The following NCOA7 variants were observed in gnomAD, a reference collection of about 807,000 sequenced individuals.
NCOA7 encodes nuclear receptor coactivator 7, also known as 140 kDa estrogen receptor-associated protein.
In NCOA7, 45 loss-of-function variants were observed where a neutral mutation model predicts 104.3. That is an observed-to-expected ratio of 0.43 (90% CI 0.34 to 0.55). The LOEUF is 0.55. Ranked by LOEUF, NCOA7 falls within the 20% of genes least tolerant of loss-of-function variation. The probability of loss-of-function intolerance (pLI) is 0.02; values close to 1 mark genes in which losing one functional copy is unlikely to be tolerated. For missense variants in NCOA7, 1,041 were observed against 1,119.7 expected (o/e 0.93, Z 1.00); for synonymous variants, 398 against 402.3 (o/e 0.99, Z 0.13).
chr6:125,811,643 A>C (rs1166626343), intron 1 of NCOA7, among the ~76,000 whole-genome samples: 1 of 152,144 alleles, frequency 6.6e-6, no homozygotes, highest in Non-Finnish European at 1.5e-5. Flanking sequence ...AGGGGGTTCA[A>C]ACCACAGTGT....
intron 13 of NCOA7, among the ~76,000 whole-genome samples, chr6:125,924,970 T>C (rs549034869): frequency 6.6e-6 from 1 of 152,270 alleles, no homozygotes; most frequent in East Asian, 1.9e-4. Context: ...GGCTTTCTTC[T>C]TCTACCCACC....
At chr6:125,818,364 T>A (rs942111389) in intron 2 of NCOA7, among the ~76,000 whole-genome samples, 1 of 152,150 alleles carries the variant, frequency 6.6e-6, no homozygotes, top group African/African-American at 2.4e-5. Flanking sequence ...AATGTAAAAT[T>A]GTCTTGCTTA....
intron 4 of NCOA7, among the ~76,000 whole-genome samples, chr6:125,876,158 A>G (rs1783356849): frequency 6.6e-6 from 1 of 152,220 alleles, no homozygotes; most frequent in Non-Finnish European, 1.5e-5. Flanking sequence ...GCCAGACCCT[A>G]TATAAGACAG....
At chr6:125,826,418 T>C (rs1015885430) in intron 2 of NCOA7, among the ~76,000 whole-genome samples, 1 of 152,146 alleles carries the variant, frequency 6.6e-6, no homozygotes, top group Non-Finnish European at 1.5e-5. Context: ...ATCCAATATA[T>C]GTAATCTTTA....
At position 125,889,364 on chromosome 6, in the gene NCOA7, A is replaced by AGGAGTG; in HGVS notation, c.1311_1316dup (p.Glu438_Cys439insTrpGlu). 1 of 1,614,114 alleles carries AGGAGTG rather than the reference A, an allele frequency of 6.2e-7. No individual in the cohort carries two copies. Among genetic ancestry groups the AGGAGTG allele is most frequent in the Non-Finnish European group, 8.5e-7 (1 of 1,179,992 alleles). ...GGAATGCACAAAAAAGACACCTTGA[A>AGGAGTG]GGAGTGCCTTTCTCTTGACCCAGAG... On this transcript the variant is annotated inframe_insertion, in exon 9 of 16. Coordinates refer to ENST00000392477, the MANE Select transcript of NCOA7 (RefSeq NM_181782.5).
intron 7 of NCOA7, among the ~76,000 whole-genome samples, chr6:125,883,776 A>G (rs1001854258): frequency 5.0e-5 from 7 of 139,530 alleles, no homozygotes; most frequent in African/African-American, 1.6e-4. Flanking sequence ...CTGGAGTGCA[A>G]TGGTGCGATC....
chr6:125,811,581 C>T (rs1240806247), intron 1 of NCOA7, among the ~76,000 whole-genome samples: 2 of 152,164 alleles, frequency 1.3e-5, no homozygotes, highest in Non-Finnish European at 2.9e-5. Context: ...GCAAGGTTGC[C>T]TCGTGCCTGA....
chr6:125,911,526 G>A (rs912524081), intron 10 of NCOA7, among the ~76,000 whole-genome samples: 2 of 152,128 alleles, frequency 1.3e-5, no homozygotes, highest in South Asian at 2.1e-4. Context: ...AACTGGAGTC[G>A]CTCTGGTTTG....
chr6:125,881,281 C>T, intron 6 of NCOA7, 78 bp downstream of exon 6: 1 of 1,016,032 alleles, frequency 9.8e-7, no homozygotes, highest in Non-Finnish European at 1.5e-6. Flanking sequence ...TGTTATTTTT[C>T]ACAAGATTAC....
chr6:125,805,584 A>C (rs966404108), intron 1 of NCOA7, among the ~76,000 whole-genome samples: 2 of 152,216 alleles, frequency 1.3e-5, no homozygotes, highest in African/African-American at 4.8e-5. Flanking sequence ...TAATTGTTCT[A>C]AAGTTCAGAC....
Position 125,830,761 on chromosome 6 carries a change from ATG to A in NCOA7, c.50+15377_50+15378del, listed in dbSNP as rs59933115. Among the ~76,000 whole-genome samples the A allele has an allele frequency of 1.2e-3, 167 of 144,058 alleles. 3 individuals carry two copies. Among genetic ancestry groups the A allele is most frequent in the Middle Eastern group, 3.7e-3 (1 of 270 alleles). 94.5% of individuals were successfully genotyped at this position (144,058 alleles called of 152,430 possible). A position where few individuals can be genotyped will look rare whatever the true frequency, so the allele number is the denominator to read the frequency against. ...TATGTGTGTGTGTGTGTGTGTGTGT[ATG>A]TGTGTGTGTGTGTGTGTGTATAGAT... is the stretch of plus-strand genomic sequence containing the variant. On this transcript the variant is annotated intron_variant, in intron 2 of 15. Coordinates refer to ENST00000392477, the MANE Select transcript of NCOA7 (RefSeq NM_181782.5).
intron 2 of NCOA7, among the ~76,000 whole-genome samples, chr6:125,835,871 G>T (rs1300447221): frequency 6.6e-6 from 1 of 152,194 alleles, no homozygotes; most frequent in Non-Finnish European, 1.5e-5. Flanking sequence ...CTAGGCACTG[G>T]ATTTAAAGCT....
At chr6:125,809,844 T>C (rs1776809095) in intron 1 of NCOA7, among the ~76,000 whole-genome samples, 1 of 152,160 alleles carries the variant, frequency 6.6e-6, no homozygotes, top group South Asian at 2.1e-4. Flanking sequence ...CTGCTGTTTT[T>C]CTAGTCCTGA....
At chr6:125,911,795 G>A (rs1786583576) in intron 10 of NCOA7, among the ~76,000 whole-genome samples, 1 of 152,138 alleles carries the variant, frequency 6.6e-6, no homozygotes, top group Non-Finnish European at 1.5e-5. Context: ...GGCTCGTACT[G>A]GGGGAACCCG....
chr6:125,881,317 A>C (rs1783806373), intron 6 of NCOA7, 114 bp downstream of exon 6: 1 of 809,728 alleles, frequency 1.2e-6, no homozygotes, highest in Non-Finnish European at 2.0e-6. Flanking sequence ...TAGATGGTTG[A>C]GATTAGGTAA....
At chr6:125,833,438 T>G (rs900262313) in intron 2 of NCOA7, among the ~76,000 whole-genome samples, 5 of 151,602 alleles carry the variant, frequency 3.3e-5, no homozygotes, top group Non-Finnish European at 7.4e-5. Context: ...ATACAAAAAT[T>G]AGCGAGGTGT....
chr6:125,928,675 C>T lies in NCOA7; in HGVS notation c.2733C>T (p.His911=), dbSNP rs372606163. The change falls in exon 16 of 16, where the codon CAC becomes CAT. Residue 911 remains histidine (H), a synonymous_variant. Transcript: ENST00000392477. ...FGLWLDADLY[H]GRSNSCSTFN... is the part of the protein sequence containing the mutation. ...TATGGCTAGATGCTGATTTATACCA[C>T]GGACGAAGCAACTCTTGCAGCACTT... 3.3e-5 allele frequency: 53 copies of T among 1,612,542 alleles called. No homozygotes were observed. The highest frequency in any genetic ancestry group is 1.7e-4 in the Middle Eastern group (1 of 6,058).
At chr6:125,899,760 C>T in intron 10 of NCOA7, 1 of 196,996 alleles carries the variant, frequency 5.1e-6, no homozygotes, top group African/African-American at 2.3e-5. Flanking sequence ...TCCAGAAATT[C>T]ATTACCCTCC....
intron 10 of NCOA7, among the ~76,000 whole-genome samples, chr6:125,904,112 TTTATC>T (rs1409387599): frequency 6.6e-5 from 10 of 152,168 alleles, no homozygotes; most frequent in African/African-American, 2.4e-4. Context: ...TTCCAAGTAT[TTTATC>T]TTATGCTTGG....
Sources: gnomAD v4.1 joint callset for allele counts (sites outside exome capture counted in the v4.1 genomes callset) on GRCh38, gnomAD v4.1.1 for gene constraint, MANE v1.5 for transcripts, NCBI Gene and HGNC (gene_info 2026-07-23, HGNC 2026-07-21) for gene names.